The following DENND11 variants were observed in gnomAD, a reference collection of about 807,000 sequenced individuals.
DENND11 encodes DENN domain-containing protein 11.
A neutral mutation model predicts 49.2 loss-of-function variants in DENND11; 34 were observed. That is an observed-to-expected ratio of 0.69 (90% CI 0.53 to 0.92). The LOEUF is 0.92. DENND11 is among the 40% of genes least tolerant of loss of function. The probability of loss-of-function intolerance (pLI) is 0.00; values close to 1 mark genes in which losing one functional copy is unlikely to be tolerated. For synonymous variants in DENND11, 238 were observed against 230.3 expected (o/e 1.03, Z -0.30); for missense variants, 475 against 581.6 (o/e 0.82, Z 1.88).
chr7:141,695,444 T>C (rs559450670), intron 1 of DENND11, among the ~76,000 whole-genome samples: 1 of 152,304 alleles, frequency 6.6e-6, no homozygotes, highest in South Asian at 2.1e-4. Flanking sequence ...TGAAGCGCTA[T>C]CAGGGCTTGA....
At chr7:141,682,250 G>A (rs907038012) in intron 3 of DENND11, among the ~76,000 whole-genome samples, 1 of 152,218 alleles carries the variant, frequency 6.6e-6, no homozygotes, top group African/African-American at 2.4e-5. Context: ...CTCCTTTGGG[G>A]TGGGAGGAAT....
intron 1 of DENND11, among the ~76,000 whole-genome samples, chr7:141,700,476 T>TCAA (rs1563007383): frequency 1.4e-3 from 193 of 140,228 alleles, no homozygotes; most frequent in African/African-American, 4.8e-3. Context: ...AGACACTGTC[T>TCAA]GAAAAAAAAA....
At chr7:141,677,040 G>A (rs1287566902) in intron 3 of DENND11, among the ~76,000 whole-genome samples, 5 of 152,192 alleles carry the variant, frequency 3.3e-5, no homozygotes, top group African/African-American at 9.6e-5. Context: ...GACCCTGCCT[G>A]TCCCTACCAC....
intron 3 of DENND11, among the ~76,000 whole-genome samples, chr7:141,682,784 A>G (rs1320105742): frequency 6.6e-6 from 1 of 152,238 alleles, no homozygotes. Context: ...CCTTTTAGCC[A>G]GGACCCTATC....
At chr7:141,673,953 A>C in intron 4 of DENND11, 114 bp downstream of exon 4, 1 of 1,273,808 alleles carries the variant, frequency 7.9e-7, no homozygotes, top group Admixed American at 2.6e-5. Flanking sequence ...TATCAAAAGT[A>C]GACATTTTGT....
chr7:141,680,453 T>C (rs1798131961), intron 3 of DENND11, among the ~76,000 whole-genome samples: 1 of 152,092 alleles, frequency 6.6e-6, no homozygotes. Flanking sequence ...TGAAGATTTT[T>C]CACTTTATGT....
At chr7:141,685,029 A>AATATATATATATATATATATAT (rs1167922771) in intron 3 of DENND11, among the ~76,000 whole-genome samples, 1 of 91,542 alleles carries the variant, frequency 1.1e-5, no homozygotes, top group African/African-American at 4.3e-5. Flanking sequence ...AAAAAAAAAA[A>AATATATATATATATATATATAT]ATATATATAT....
At chr7:141,696,378 A>C (rs1168291165) in intron 1 of DENND11, among the ~76,000 whole-genome samples, 1 of 152,244 alleles carries the variant, frequency 6.6e-6, no homozygotes, top group Admixed American at 6.5e-5. Flanking sequence ...TGTCTGCTAG[A>C]AAGTTCACCT....
intron 1 of DENND11, among the ~76,000 whole-genome samples, chr7:141,686,940 C>T (rs1316824123): frequency 6.6e-6 from 1 of 152,170 alleles, no homozygotes; most frequent in Non-Finnish European, 1.5e-5. Context: ...TCAACCACTT[C>T]CAAATCTGCT....
intron 2 of DENND11, among the ~76,000 whole-genome samples, chr7:141,685,938 AC>A (rs1798235719): frequency 6.6e-6 from 1 of 152,290 alleles, no homozygotes; most frequent in African/African-American, 2.4e-5. Context: ...GTGAAGCAGA[AC>A]CAACATTCCT....
chr7:141,688,708 G>A (rs959591717), intron 1 of DENND11, among the ~76,000 whole-genome samples: 18 of 152,112 alleles, frequency 1.2e-4, no homozygotes, highest in African/African-American at 3.6e-4. Flanking sequence ...CAGTCCAGTC[G>A]TTTTTTTCCT....
chr7:141,685,768 A>G (rs745626419), intron 2 of DENND11, 132 bp from the exon 3 acceptor site: 5 of 943,732 alleles, frequency 5.3e-6, no homozygotes, highest in Non-Finnish European at 7.9e-6. Context: ...CAAGCGGGCC[A>G]AGCCACATGA....
rs1376327768 is a variant in DENND11, at chr7:141,660,501, CCTG to C, written c.*2152_*2154del. 1 of 152,206 alleles carries C rather than the reference CCTG, an allele frequency of 6.6e-6. No homozygotes were observed. The highest frequency in any genetic ancestry group is 1.5e-5 in the Non-Finnish European group (1 of 68,058). The allele number at this position is 152,206 out of a possible 1,614,324, so 9.4% of individuals were successfully genotyped here. On this transcript the variant is annotated 3_prime_UTR_variant, in exon 9 of 9. Coordinates refer to ENST00000536163, the MANE Select transcript of DENND11 (RefSeq NM_001080392.2). ...GAAAAAACAGGAACTTCATTCTCAC[CCTG>C]CTATGTTTACACCAGCACTTCTGAG... is the stretch of plus-strand genomic sequence containing the variant.
At chr7:141,687,236 T>G (rs1001201860) in intron 1 of DENND11, among the ~76,000 whole-genome samples, 1 of 152,184 alleles carries the variant, frequency 6.6e-6, no homozygotes, top group Non-Finnish European at 1.5e-5. Context: ...CTCCTCTCTC[T>G]CTCCTCTCTA....
chr7:141,669,312 A>C (rs2117056021), intron 4 of DENND11, among the ~76,000 whole-genome samples: 3 of 138,530 alleles, frequency 2.2e-5, no homozygotes, highest in Middle Eastern at 4.5e-3. Flanking sequence ...CAGTGGCGCT[A>C]TCTCAGCTCA....
intron 1 of DENND11, among the ~76,000 whole-genome samples, chr7:141,689,912 T>A (rs1488565483): frequency 6.6e-6 from 1 of 152,252 alleles, no homozygotes; most frequent in African/African-American, 2.4e-5. Context: ...TAACTGGTGA[T>A]GCACATTTAG....
chr7:141,679,708 A>T lies in DENND11; in HGVS notation c.528-5488T>A, dbSNP rs1798119122. ...GCCTGGGACACAAGAGCGAAACTTT[A>T]AAAAAAAAAAAAAAAAGTAAAAGAA... is the stretch of plus-strand genomic sequence containing the variant. On this transcript the variant is annotated intron_variant, in intron 3 of 8. Transcript: ENST00000536163. 5.5e-5 allele frequency among the ~76,000 whole-genome samples: 7 copies of T among 128,208 alleles called. No homozygotes were observed. The East Asian group carries it at 6.1e-4, about 11-fold the overall frequency. The allele number at this position is 128,208 out of a possible 152,430, so 84.1% of individuals were successfully genotyped here.
chr7:141,669,897 C>CTT (rs1462202682), intron 4 of DENND11, among the ~76,000 whole-genome samples: 6 of 148,894 alleles, frequency 4.0e-5, no homozygotes, highest in Non-Finnish European at 7.4e-5. Flanking sequence ...GCAGGCTCCG[C>CTT]CCCCTGGGGT....
intron 1 of DENND11, among the ~76,000 whole-genome samples, chr7:141,695,905 C>G (rs1346482863): frequency 6.6e-6 from 1 of 152,208 alleles, no homozygotes; most frequent in African/African-American, 2.4e-5. Flanking sequence ...ACGGGAGGCA[C>G]AAATGTGGCA....
Sources: gnomAD v4.1 joint callset for allele counts (sites outside exome capture counted in the v4.1 genomes callset) on GRCh38, gnomAD v4.1.1 for gene constraint, MANE v1.5 for transcripts, NCBI Gene and HGNC (gene_info 2026-07-23, HGNC 2026-07-21) for gene names.